ACOXL: variants seen among roughly 807,000 people sequenced by gnomAD.
ACOXL encodes acyl-coenzyme A oxidase-like protein.
ACOXL carries 70 observed loss-of-function variants against 71.9 expected under a neutral mutation model. That is an observed-to-expected ratio of 0.97 (90% confidence interval 0.80 to 1.19). The LOEUF (loss-of-function observed/expected upper bound fraction) is 1.19, where lower values mean the gene tolerates loss of function less well. Ranked by LOEUF, ACOXL falls within the 50% of genes most tolerant of loss-of-function variation. The probability of loss-of-function intolerance (pLI) is 0.00; values close to 1 mark genes in which losing one functional copy is unlikely to be tolerated. For synonymous variants in ACOXL, 253 were observed against 281.6 expected, an observed-to-expected ratio of 0.90 and a Z score of 1.02; for missense variants, 703 against 736.3, an observed-to-expected ratio of 0.95 and a Z score of 0.52.
chr2:110,950,810 G>GGGGAGA (rs2061300407), intron 12 of ACOXL, among the ~76,000 whole-genome samples: 1 of 142,796 alleles, frequency 7.0e-6, no homozygotes, highest in South Asian at 2.4e-4. Context: ...GGTGGGGGGT[G>GGGGAGA]GAGAGAGAGA....
intron 14 of ACOXL, among the ~76,000 whole-genome samples, chr2:111,022,429 AC>A (rs2064809981): frequency 6.6e-6 from 1 of 151,728 alleles, no homozygotes; most frequent in African/African-American, 2.4e-5. Context: ...CCTCACACAC[AC>A]ACACACACAC....
At chr2:111,007,017 G>A (rs1313575519) in intron 14 of ACOXL, among the ~76,000 whole-genome samples, 5 of 152,116 alleles carry the variant, frequency 3.3e-5, no homozygotes, top group Admixed American at 6.5e-5. Context: ...AGAATGGAAA[G>A]AAAAGAAGGA....
chr2:110,741,799 T>C (rs1255263859), intron 1 of ACOXL, among the ~76,000 whole-genome samples: 1 of 152,168 alleles, frequency 6.6e-6, no homozygotes, highest in Non-Finnish European at 1.5e-5. Flanking sequence ...TTATCTGTGG[T>C]TTCCTACCAT....
At chr2:110,924,856 G>A (rs1187005911) in intron 11 of ACOXL, among the ~76,000 whole-genome samples, 1 of 150,470 alleles carries the variant, frequency 6.6e-6, no homozygotes, top group Admixed American at 6.7e-5. Context: ...TCCCTAAGAG[G>A]AATCACTGTC....
chr2:110,777,973 G>T (rs1014551453), intron 2 of ACOXL, among the ~76,000 whole-genome samples: 2 of 152,352 alleles, frequency 1.3e-5, no homozygotes, highest in South Asian at 4.1e-4. Flanking sequence ...CATGTGAGCC[G>T]AGTTCAACTA....
At chr2:110,784,852 T>TG (rs761208453) in intron 3 of ACOXL, 37 bp downstream of exon 3, 29 of 1,553,028 alleles carry the variant, frequency 1.9e-5, no homozygotes, top group Non-Finnish European at 4.4e-6. Context: ...CATGAATGCA[T>TG]GCTCGCTTTG....
intron 13 of ACOXL, among the ~76,000 whole-genome samples, chr2:110,993,295 A>T (rs2062225): frequency 0.9 from 136,811 of 152,212 alleles, 61,747 homozygotes; most frequent in African/African-American, 0.98. Flanking sequence ...CCCTTCTTGG[A>T]CAATCTCACT....
chr2:110,905,960 T>C (rs1460016619), intron 10 of ACOXL, among the ~76,000 whole-genome samples: 1 of 151,948 alleles, frequency 6.6e-6, no homozygotes, highest in Non-Finnish European at 1.5e-5. Context: ...TCTTCACCCA[T>C]CACCCCAATT....
intron 17 of ACOXL, among the ~76,000 whole-genome samples, chr2:111,111,305 G>T (rs1290782150): frequency 6.6e-6 from 1 of 151,930 alleles, no homozygotes; most frequent in African/African-American, 2.4e-5. Context: ...TCACCATGTT[G>T]CCCAGACTTG....
At chr2:111,109,671 ATTTTT>A (rs869081161) in intron 17 of ACOXL, among the ~76,000 whole-genome samples, 9 of 75,666 alleles carry the variant, frequency 1.2e-4, no homozygotes, top group African/African-American at 3.8e-4. Flanking sequence ...TTCTCCTTCT[ATTTTT>A]TTTTTTTTTT....
In ACOXL at chr2:111,028,940, C is replaced by T. The variant is rs2065140300; in HGVS notation, c.1282-2687C>T. ...TCAGTCCATTGGGAGGCAGTGTAGC[C>T]CATGGTTAGGGATGTGGGCTCAGAG... On this transcript the variant is annotated intron_variant, in intron 14 of 17. Transcript: ENST00000439055. Among the ~76,000 whole-genome samples the T allele has an allele frequency of 3.9e-5, 6 of 152,214 alleles. No homozygotes were observed. In the South Asian group the frequency reaches 1.2e-3, roughly 32 times the overall value.
chr2:111,095,358 C>T (rs1016436464), intron 17 of ACOXL, among the ~76,000 whole-genome samples: 3 of 149,844 alleles, frequency 2.0e-5, no homozygotes, highest in Non-Finnish European at 4.4e-5. Context: ...TCATATAAAA[C>T]ATTGAAGTGC....
At chr2:111,108,261 AGATAAGTTG>A (rs1243347974) in intron 17 of ACOXL, among the ~76,000 whole-genome samples, 1 of 151,802 alleles carries the variant, frequency 6.6e-6, no homozygotes, top group African/African-American at 2.4e-5. Context: ...TTGACAAAAG[AGATAAGTTG>A]GCAATCTCAT....
intron 16 of ACOXL, among the ~76,000 whole-genome samples, chr2:111,077,828 CT>C (rs2067678946): frequency 6.6e-6 from 1 of 152,126 alleles, no homozygotes; most frequent in Non-Finnish European, 1.5e-5. Flanking sequence ...TCTTCAGCTG[CT>C]TTCAAGAATT....
At chr2:110,832,364 C>T (rs1170123727) in intron 9 of ACOXL, among the ~76,000 whole-genome samples, 1 of 151,900 alleles carries the variant, frequency 6.6e-6, no homozygotes, top group East Asian at 1.9e-4. Flanking sequence ...AGGTGAAACC[C>T]CGTCTCTACT....
chr2:110,846,641 G>GCACACACACACACACACACACAGA (rs1691891737), intron 10 of ACOXL, among the ~76,000 whole-genome samples: 3 of 138,034 alleles, frequency 2.2e-5, no homozygotes, highest in Middle Eastern at 3.6e-3. Context: ...ATGCATACAC[G>GCACACACACACACACACACACAGA]CACACACACA....
At chr2:110,851,612 C>T (rs769063416) in intron 10 of ACOXL, among the ~76,000 whole-genome samples, 32 of 152,316 alleles carry the variant, frequency 2.1e-4, no homozygotes, top group African/African-American at 4.8e-4. Flanking sequence ...GTGAGGCCCT[C>T]GTGGTGGGGT....
intron 14 of ACOXL, among the ~76,000 whole-genome samples, chr2:111,010,915 C>T (rs945091262): frequency 1.3e-5 from 2 of 152,074 alleles, no homozygotes; most frequent in African/African-American, 4.8e-5. Flanking sequence ...ACCAACAGAC[C>T]TATACTACAA....
chr2:110,841,338 A>G (rs1420581294), intron 9 of ACOXL, 33 bp from the exon 10 acceptor site: 15 of 1,549,498 alleles, frequency 9.7e-6, no homozygotes, highest in Non-Finnish European at 1.2e-5. Context: ...TCTTGATATT[A>G]CTTAATTTGT....
Sources: allele counts gnomAD v4.1 joint callset (sites outside exome capture counted in the v4.1 genomes callset), GRCh38; gene constraint gnomAD v4.1.1; transcripts MANE v1.5; gene names NCBI Gene and HGNC (gene_info 2026-07-23, HGNC 2026-07-21).